KCNH5: variants seen among roughly 807,000 people sequenced by gnomAD.
The protein encoded by KCNH5 is voltage-gated delayed rectifier potassium channel KCNH5.
Under a neutral mutation model 96.1 loss-of-function variants are expected in KCNH5, and 46 were observed. The observed-to-expected ratio is 0.48, with a 90% CI of 0.38 to 0.61. The LOEUF (loss-of-function observed/expected upper bound fraction) is 0.61, where lower values mean the gene tolerates loss of function less well. Among genes scored for constraint, KCNH5 ranks in the 20% least tolerant of loss-of-function variants. The pLI is 0.00. For synonymous variants in KCNH5, 439 were observed against 449.8 expected (o/e 0.98, Z 0.30); for missense variants, 907 against 1,225.8 (o/e 0.74, Z 3.88).
chr14:62,952,641 T>C lies in KCNH5; in HGVS notation c.943-2082A>G, dbSNP rs148794349. 7.0e-4 allele frequency among the ~76,000 whole-genome samples: 106 copies of C among 152,328 alleles called. 2 individuals carry two copies. The East Asian group carries it at 0.02, about 29-fold the overall frequency. On this transcript the variant is annotated intron_variant, in intron 6 of 10. Coordinates refer to ENST00000322893, the MANE Select transcript of KCNH5 (RefSeq NM_139318.5). Reference sequence around the variant, plus strand: ...GTTTAAATACTGCATAGAAAAGTCATTTCTACCTGAATTCTTTTCTCTGAA... The same window carrying C: ...GTTTAAATACTGCATAGAAAAGTCACTTCTACCTGAATTCTTTTCTCTGAA...
At chr14:62,729,956 A>G (rs1393236001) in intron 10 of KCNH5, among the ~76,000 whole-genome samples, 1 of 152,214 alleles carries the variant, frequency 6.6e-6, no homozygotes, top group Non-Finnish European at 1.5e-5. Flanking sequence ...GAATTGTTAT[A>G]TAAATAAGAA....
At chr14:62,978,653 G>A (rs1162392334) in intron 6 of KCNH5, among the ~76,000 whole-genome samples, 1 of 150,970 alleles carries the variant, frequency 6.6e-6, no homozygotes, top group African/African-American at 2.4e-5. Context: ...TTGAATATGA[G>A]CTAAGTTGAG....
intron 8 of KCNH5, among the ~76,000 whole-genome samples, chr14:62,814,489 C>T (rs1886933646): frequency 6.6e-6 from 1 of 151,930 alleles, no homozygotes; most frequent in African/African-American, 2.4e-5. Flanking sequence ...CAGAAAAATA[C>T]AAACAATATT....
intron 6 of KCNH5, among the ~76,000 whole-genome samples, chr14:62,956,499 T>C (rs1360716777): frequency 6.6e-6 from 1 of 152,022 alleles, no homozygotes; most frequent in African/African-American, 2.4e-5. Flanking sequence ...TCTTTAAATA[T>C]GTCATATTTA....
intron 1 of KCNH5, among the ~76,000 whole-genome samples, chr14:63,043,511 A>G (rs1267259095): frequency 1.3e-5 from 2 of 152,198 alleles, no homozygotes; most frequent in African/African-American, 4.8e-5. Flanking sequence ...AAGGTAATCT[A>G]TAAGAATAAA....
At chr14:62,951,541 C>T (rs1164884476) in intron 6 of KCNH5, among the ~76,000 whole-genome samples, 1 of 152,134 alleles carries the variant, frequency 6.6e-6, no homozygotes, top group South Asian at 2.1e-4. Flanking sequence ...AGAATGTAGA[C>T]AAGGAATCTA....
rs72728745 is a variant in KCNH5 at position 62,776,661 on chromosome 14, C to T, written c.2019+3067G>A. Reference sequence around the variant, plus strand: ...TCTGGTCCTTGACAGAAAAATTTTCCATTCCATGCCGTAGTTGTTTCATGG... The same window carrying T: ...TCTGGTCCTTGACAGAAAAATTTTCTATTCCATGCCGTAGTTGTTTCATGG... On this transcript the variant is annotated intron_variant, in intron 10 of 10. Transcript: ENST00000322893. 6.3e-3 allele frequency among the ~76,000 whole-genome samples: 956 copies of T among 152,288 alleles called. 2 individuals are homozygous for T. The highest frequency in any genetic ancestry group is 8.8e-3 in the Non-Finnish European group (601 of 68,022).
At chr14:62,891,964 T>A (rs1175709278) in intron 7 of KCNH5, among the ~76,000 whole-genome samples, 6 of 152,142 alleles carry the variant, frequency 3.9e-5, no homozygotes, top group Middle Eastern at 3.2e-3. Flanking sequence ...GGTCTCCCTG[T>A]TCCCTGAGAC....
At chr14:62,986,401 C>T (rs1308968289) in intron 5 of KCNH5, among the ~76,000 whole-genome samples, 3 of 152,124 alleles carry the variant, frequency 2.0e-5, no homozygotes, top group Non-Finnish European at 4.4e-5. Flanking sequence ...TGCCACCCTA[C>T]CTTCTCCTTC....
intron 5 of KCNH5, among the ~76,000 whole-genome samples, chr14:62,982,688 T>C (rs138757876): frequency 6.6e-6 from 1 of 152,230 alleles, no homozygotes; most frequent in African/African-American, 2.4e-5. Context: ...GTTCCTCTCA[T>C]ATACAGAACT....
rs1174142778 is a variant in KCNH5, at chr14:62,700,357, T to G, written c.*7151A>C. Reference sequence around the variant, plus strand: ...TCTGTTCCTAATATGAAATGCATATTCCCCCTTGCTTTATTAACTGTGAAC... The same window carrying G: ...TCTGTTCCTAATATGAAATGCATATGCCCCCTTGCTTTATTAACTGTGAAC... On this transcript the variant is annotated 3_prime_UTR_variant, in exon 11 of 11. Transcript: ENST00000322893. 1 of 152,142 alleles carries G rather than the reference T, an allele frequency of 6.6e-6. No homozygotes were observed. Among genetic ancestry groups the G allele is most frequent in the Non-Finnish European group, 1.5e-5 (1 of 68,024 alleles). 9.4% of individuals were successfully genotyped at this position (152,142 alleles called of 1,614,324 possible).
At chr14:62,897,570 A>C (rs74649775) in intron 7 of KCNH5, among the ~76,000 whole-genome samples, 4,161 of 152,204 alleles carry the variant, frequency 0.027, 76 homozygotes, top group East Asian at 0.082. Context: ...GGAGAATTGA[A>C]CTTTGTCTTA....
chr14:62,819,835 G>A (rs925087775), intron 8 of KCNH5, among the ~76,000 whole-genome samples: 1 of 152,030 alleles, frequency 6.6e-6, no homozygotes, highest in Non-Finnish European at 1.5e-5. Context: ...ACCTTTCTAT[G>A]ATAAAATACA....
At chr14:63,010,450 A>C (rs1891203861) in intron 2 of KCNH5, among the ~76,000 whole-genome samples, 1 of 152,120 alleles carries the variant, frequency 6.6e-6, no homozygotes, top group Non-Finnish European at 1.5e-5. Flanking sequence ...GCAGTGTGTC[A>C]CTGTGTCTTA....
At position 62,983,422 on chromosome 14, in the gene KCNH5, ATG is replaced by A. The variant is rs199734760; in HGVS notation, c.550-2160_550-2159del. On this transcript the variant is annotated intron_variant, in intron 5 of 10. Transcript: ENST00000322893. ...TATGTATATATACATATATATACAT[ATG>A]TGTGTGTGTGTGTATATTATAACAG... is the stretch of plus-strand genomic sequence containing the variant. 1.4e-3 allele frequency among the ~76,000 whole-genome samples: 207 copies of A among 151,154 alleles called. 1 individual carries two copies. The highest frequency in any genetic ancestry group is 5.3e-3 in the Admixed American group (80 of 15,140).
intron 7 of KCNH5, among the ~76,000 whole-genome samples, chr14:62,871,483 G>T (rs1040473279): frequency 6.6e-6 from 1 of 152,112 alleles, no homozygotes; most frequent in African/African-American, 2.4e-5. Context: ...ATTAATATGA[G>T]ATAATAAAAC....
At chr14:62,996,299 T>C (rs1456915189) in intron 4 of KCNH5, among the ~76,000 whole-genome samples, 7 of 152,226 alleles carry the variant, frequency 4.6e-5, no homozygotes, top group Admixed American at 2.6e-4. Flanking sequence ...ACACCATTCA[T>C]AGTTACATTT....
intron 10 of KCNH5, among the ~76,000 whole-genome samples, chr14:62,734,556 A>T (rs1057145923): frequency 1.3e-5 from 2 of 152,104 alleles, no homozygotes; most frequent in African/African-American, 4.8e-5. Context: ...CTTTCCAGGA[A>T]GCCCCTCCTC....
intron 8 of KCNH5, among the ~76,000 whole-genome samples, chr14:62,828,897 T>G (rs141977032): frequency 0.028 from 4,279 of 152,206 alleles, 91 homozygotes; most frequent in South Asian, 0.056. Context: ...CTTCTGCCTA[T>G]GAGCCTGTAA....
Sources: gnomAD v4.1 joint callset for allele counts (sites outside exome capture counted in the v4.1 genomes callset) on GRCh38, gnomAD v4.1.1 for gene constraint, MANE v1.5 for transcripts, NCBI Gene and HGNC (gene_info 2026-07-23, HGNC 2026-07-21) for gene names.